EIPR1: variants seen among roughly 807,000 people sequenced by gnomAD.
The protein encoded by EIPR1 is EARP and GARP complex-interacting protein 1.
A neutral mutation model predicts 48.1 loss-of-function variants in EIPR1; 25 were observed. That is an observed-to-expected ratio of 0.52 (90% CI 0.38 to 0.73). EIPR1 has a LOEUF of 0.73. EIPR1 is among the 30% of genes least tolerant of loss of function. The probability of loss-of-function intolerance (pLI) is 0.00; values close to 1 mark genes in which losing one functional copy is unlikely to be tolerated. For missense variants in EIPR1, 415 were observed against 506.2 expected, an observed-to-expected ratio of 0.82 and a Z score of 1.73; for synonymous variants, 204 against 201.9, an observed-to-expected ratio of 1.01 and a Z score of -0.09.
At position 3,299,620 on chromosome 2, in the gene EIPR1, T is replaced by TCACACACACA. The variant is rs1327026136; in HGVS notation, c.259+38396_259+38397insTGTGTGTGTG. Among the ~76,000 whole-genome samples the TCACACACACA allele has an allele frequency of 3.1e-3, 373 of 121,386 alleles. 1 individual carries two copies. Among genetic ancestry groups the TCACACACACA allele is most frequent in the African/African-American group, 8.0e-3 (267 of 33,378 alleles). The allele number at this position is 121,386 out of a possible 152,430, so 79.6% of individuals were successfully genotyped here. A position where few individuals can be genotyped will look rare whatever the true frequency, so the allele number is the denominator to read the frequency against. On this transcript the variant is annotated intron_variant, in intron 3 of 8. Coordinates refer to ENST00000382125, the MANE Select transcript of EIPR1 (RefSeq NM_003310.5). The stretch of plus-strand genomic sequence containing the variant: ...AAAATATTTTCTCTCTCTCTCTCTC[T>TCACACACACA]CTCTCACACACACACACACACACAC...
At chr2:3,300,527 G>A (rs557530311) in intron 3 of EIPR1, among the ~76,000 whole-genome samples, 1 of 152,090 alleles carries the variant, frequency 6.6e-6, no homozygotes, top group Non-Finnish European at 1.5e-5. Flanking sequence ...GCATGTCCAC[G>A]GCCACATCCT....
chr2:3,192,727 T>C (rs1664652557), intron 7 of EIPR1, 146 bp from the exon 8 acceptor site: 1 of 736,820 alleles, frequency 1.4e-6, no homozygotes, highest in African/African-American at 1.8e-5. Flanking sequence ...GGGCCTGACA[T>C]AAGGCAGTTT....
At chr2:3,270,313 G>A (rs756632404) in intron 3 of EIPR1, among the ~76,000 whole-genome samples, 7 of 152,184 alleles carry the variant, frequency 4.6e-5, no homozygotes, top group South Asian at 4.1e-4. Context: ...CAACACTCCC[G>A]CAGAGGGCCT....
intron 3 of EIPR1, among the ~76,000 whole-genome samples, chr2:3,313,939 C>T (rs11127406): frequency 0.25 from 38,623 of 152,038 alleles, 6,362 homozygotes; most frequent in East Asian, 0.63. Context: ...CAGCAGCAGC[C>T]GGGGCTGTCC....
intron 4 of EIPR1, among the ~76,000 whole-genome samples, chr2:3,253,975 G>A (rs1667079478): frequency 6.6e-6 from 1 of 152,190 alleles, no homozygotes; most frequent in Non-Finnish European, 1.5e-5. Flanking sequence ...GTAGCGACGT[G>A]AGTGTGGGGA....
Position 3,347,465 on chromosome 2 carries a change from C to T in EIPR1, c.126+7085G>A, listed in dbSNP as rs149199161. Among the ~76,000 whole-genome samples the T allele has an allele frequency of 9.5e-3, 1,441 of 152,284 alleles. 147 individuals carry two copies. The East Asian group carries it at 0.22, about 23-fold the overall frequency. On this transcript the variant is annotated intron_variant, in intron 2 of 8. Transcript: ENST00000382125. ...TCCCTGCACAAGCTCTCTTTGCCTG[C>T]CGCCATCCACGTAAGATGTGACTTG...
At chr2:3,325,076 T>C (rs1328585633) in intron 3 of EIPR1, among the ~76,000 whole-genome samples, 1 of 152,218 alleles carries the variant, frequency 6.6e-6, no homozygotes, top group African/African-American at 2.4e-5. Context: ...CCCTGCCTAG[T>C]GACCTGCTAG....
intron 1 of EIPR1, among the ~76,000 whole-genome samples, chr2:3,359,256 T>A (rs536077623): frequency 1.3e-5 from 2 of 152,124 alleles, no homozygotes; most frequent in African/African-American, 4.8e-5. Flanking sequence ...CAAAAATAAG[T>A]AAATTGTATC....
chr2:3,367,789 C>G (rs1671011584), intron 1 of EIPR1, among the ~76,000 whole-genome samples: 1 of 152,168 alleles, frequency 6.6e-6, no homozygotes, highest in African/African-American at 2.4e-5. Context: ...GGGCTCACAC[C>G]TGTAATCCCA....
At chr2:3,201,024 G>A (rs977918274) in intron 5 of EIPR1, among the ~76,000 whole-genome samples, 1 of 152,208 alleles carries the variant, frequency 6.6e-6, no homozygotes, top group African/African-American at 2.4e-5. Context: ...AATTGAACCT[G>A]AGGAGCCTGG....
intron 4 of EIPR1, among the ~76,000 whole-genome samples, chr2:3,214,809 GT>G (rs780093459): frequency 1.3e-5 from 2 of 152,230 alleles, no homozygotes; most frequent in African/African-American, 2.4e-5. Flanking sequence ...CTATGCCATT[GT>G]AAAGTTGAGA....
At chr2:3,340,876 C>A (rs933821673) in intron 2 of EIPR1, among the ~76,000 whole-genome samples, 1 of 152,038 alleles carries the variant, frequency 6.6e-6, no homozygotes, top group African/African-American at 2.4e-5. Context: ...ATGGGTAGAT[C>A]ACCTGAGGTC....
At chr2:3,301,866 G>A (rs980744245) in intron 3 of EIPR1, among the ~76,000 whole-genome samples, 1 of 152,194 alleles carries the variant, frequency 6.6e-6, no homozygotes, top group African/African-American at 2.4e-5. Context: ...AGGAACACGT[G>A]GGAATAAAAA....
chr2:3,348,362 T>C (rs1180648341), intron 2 of EIPR1, among the ~76,000 whole-genome samples: 1 of 152,100 alleles, frequency 6.6e-6, no homozygotes, highest in Non-Finnish European at 1.5e-5. Flanking sequence ...TTAAGACTCA[T>C]CTCTTATCTA....
intron 4 of EIPR1, among the ~76,000 whole-genome samples, chr2:3,234,208 T>C (rs1231200188): frequency 1.3e-5 from 2 of 152,206 alleles, no homozygotes; most frequent in African/African-American, 4.8e-5. Flanking sequence ...GTCTTGTATT[T>C]TGCTGTTTTT....
intron 6 of EIPR1, among the ~76,000 whole-genome samples, chr2:3,196,137 G>A (rs1322597701): frequency 6.6e-6 from 1 of 152,178 alleles, no homozygotes. Flanking sequence ...AGGAGGAAGT[G>A]GCAAGTGATT....
At chr2:3,237,907 C>T (rs971770262) in intron 4 of EIPR1, among the ~76,000 whole-genome samples, 3 of 152,210 alleles carry the variant, frequency 2.0e-5, no homozygotes, top group Non-Finnish European at 4.4e-5. Flanking sequence ...GAGATCTGTG[C>T]TCCTCAGGCT....
intron 3 of EIPR1, among the ~76,000 whole-genome samples, chr2:3,268,765 C>T (rs943293124): frequency 6.6e-6 from 1 of 152,290 alleles, no homozygotes; most frequent in South Asian, 2.1e-4. Context: ...GGAAGTAAGC[C>T]GGCTCCCCTT....
intron 5 of EIPR1, among the ~76,000 whole-genome samples, chr2:3,198,773 C>G (rs565740302): frequency 6.6e-6 from 1 of 152,226 alleles, no homozygotes; most frequent in South Asian, 2.1e-4. Flanking sequence ...ACAGAGATCA[C>G]ATGCTCCAAG....
Sources: gnomAD v4.1 joint callset for allele counts (sites outside exome capture counted in the v4.1 genomes callset) on GRCh38, gnomAD v4.1.1 for gene constraint, MANE v1.5 for transcripts, NCBI Gene and HGNC (gene_info 2026-07-23, HGNC 2026-07-21) for gene names.